Variants in MYO16 observed in about 807,000 individuals in gnomAD.
MYO16 encodes myosin XVI.
MYO16 carries 94 observed loss-of-function variants against 205.3 expected under a neutral mutation model. That is an observed-to-expected ratio of 0.46 (90% CI 0.39 to 0.54). The LOEUF is 0.54. Ranked by LOEUF, MYO16 falls within the 20% of genes least tolerant of loss-of-function variation. MYO16 has a pLI of 0.00. For synonymous variants in MYO16, 988 were observed against 954.0 expected, an observed-to-expected ratio of 1.04 and a Z score of -0.66; for missense variants, 2,315 against 2,387.5, an observed-to-expected ratio of 0.97 and a Z score of 0.63.
At chr13:109,152,429 T>G (rs1237032551) in intron 32 of MYO16, among the ~76,000 whole-genome samples, 1 of 152,186 alleles carries the variant, frequency 6.6e-6, no homozygotes, top group East Asian at 1.9e-4. Context: ...TCGTGAACAT[T>G]AATTTCACTG....
chr13:108,573,881 C>T, the MYO16 span, among the ~76,000 whole-genome samples: 1 of 152,158 alleles, frequency 6.6e-6, no homozygotes. Context: ...GGCAGGGTCT[C>T]ACTCCATTGC....
At chr13:108,896,930 C>T (rs117611579) in intron 14 of MYO16, among the ~76,000 whole-genome samples, 3,802 of 152,064 alleles carry the variant, frequency 0.025, 285 homozygotes, top group East Asian at 0.22. Context: ...CGAGATCACA[C>T]CACTGCAGTG....
At chr13:108,706,223 A>G (rs1432579527) in intron 2 of MYO16, among the ~76,000 whole-genome samples, 1 of 152,220 alleles carries the variant, frequency 6.6e-6, no homozygotes, top group African/African-American at 2.4e-5. Flanking sequence ...AAATAATGTG[A>G]CAAATTAAAA....
intron 2 of MYO16, among the ~76,000 whole-genome samples, chr13:108,694,406 A>T (rs926088374): frequency 6.6e-6 from 1 of 152,200 alleles, no homozygotes; most frequent in Non-Finnish European, 1.5e-5. Context: ...CCTGCAATAT[A>T]AGAAGGTTCC....
chr13:108,578,333 A>C, the MYO16 span, among the ~76,000 whole-genome samples: 1 of 152,222 alleles, frequency 6.6e-6, no homozygotes, highest in Non-Finnish European at 1.5e-5. Flanking sequence ...GATAATGAGA[A>C]ACGTGTTTAT....
At chr13:108,749,628 G>T (rs1213924433) in intron 4 of MYO16, among the ~76,000 whole-genome samples, 1 of 152,176 alleles carries the variant, frequency 6.6e-6, no homozygotes, top group Admixed American at 6.5e-5. Context: ...AACCTAGTGA[G>T]ACATTCAGAG....
chr13:108,707,317 C>A (rs985203462), intron 2 of MYO16, among the ~76,000 whole-genome samples: 15 of 152,058 alleles, frequency 9.9e-5, no homozygotes, highest in African/African-American at 3.1e-4. Context: ...ACATAGGGAT[C>A]AATGACATAG....
intron 1 of MYO16, among the ~76,000 whole-genome samples, chr13:108,611,852 T>C (rs1423999579): frequency 1.3e-5 from 2 of 152,184 alleles, no homozygotes; most frequent in Non-Finnish European, 2.9e-5. Context: ...ATAATACTTA[T>C]TTTTAAAAAT....
intron 9 of MYO16, among the ~76,000 whole-genome samples, chr13:108,835,434 C>T (rs1876857937): frequency 1.3e-5 from 2 of 152,148 alleles, no homozygotes; most frequent in Admixed American, 6.5e-5. Flanking sequence ...TTATAAATTA[C>T]CCAGTCTCAG....
intron 27 of MYO16, among the ~76,000 whole-genome samples, chr13:109,096,813 C>T (rs942157331): frequency 6.6e-6 from 1 of 152,114 alleles, no homozygotes; most frequent in South Asian, 2.1e-4. Flanking sequence ...ATGTCTTGTC[C>T]GGAGAAACGC....
the MYO16 span, among the ~76,000 whole-genome samples, chr13:108,547,086 C>T: frequency 9.2e-5 from 14 of 151,942 alleles, no homozygotes; most frequent in Admixed American, 8.5e-4. Context: ...TCCTGGCTAA[C>T]ACAGTGAAAC....
rs1437995021 is a variant in MYO16 at position 108,790,739 on chromosome 13, T to G, written c.617-2777T>G. Among the ~76,000 whole-genome samples the G allele has an allele frequency of 2.6e-5, 4 of 152,180 alleles. No individual in the cohort carries two copies. In the South Asian group the frequency reaches 8.3e-4, roughly 32 times the overall value. On this transcript the variant is annotated intron_variant, in intron 5 of 34. Coordinates refer to ENST00000457511, the MANE Select transcript of MYO16 (RefSeq NM_001198950.3). ...ACATTTTAATTGGCATCATATCTAA[T>G]TCAAAATTAAGTTTTCAAATATTAG...
chr13:108,757,866 A>G (rs1885473873), intron 4 of MYO16, among the ~76,000 whole-genome samples: 1 of 152,248 alleles, frequency 6.6e-6, no homozygotes, highest in Admixed American at 6.5e-5. Context: ...GCAATGCTAC[A>G]AACGGAGTCC....
At chr13:108,913,805 C>T (rs1881369786) in intron 16 of MYO16, among the ~76,000 whole-genome samples, 1 of 152,170 alleles carries the variant, frequency 6.6e-6, no homozygotes, top group Non-Finnish European at 1.5e-5. Context: ...GTGTATGTGC[C>T]TGTAACAATA....
chr13:108,633,451 TGAGA>T (rs1880079570), intron 1 of MYO16, among the ~76,000 whole-genome samples: 1 of 152,184 alleles, frequency 6.6e-6, no homozygotes, highest in Admixed American at 6.5e-5. Flanking sequence ...GCATCCAGCA[TGAGA>T]GAAAGATGTA....
At chr13:108,622,738 A>G (rs1172481339) in intron 1 of MYO16, among the ~76,000 whole-genome samples, 3 of 152,032 alleles carry the variant, frequency 2.0e-5, no homozygotes, top group Non-Finnish European at 2.9e-5. Flanking sequence ...ATAGGCTAAG[A>G]GAGATTCTGA....
At chr13:108,593,710 G>T (rs759206492), upstream of MYO16, among the ~76,000 whole-genome samples, 11 of 152,136 alleles carry the variant, frequency 7.2e-5, no homozygotes, top group Non-Finnish European at 5.9e-5. Context: ...CTTCACCCAT[G>T]AATCCACTAA....
At chr13:108,667,320 G>GTTTTT (rs770988720) in intron 2 of MYO16, among the ~76,000 whole-genome samples, 45 of 128,496 alleles carry the variant, frequency 3.5e-4, no homozygotes, top group Non-Finnish European at 5.5e-4. Flanking sequence ...TTTCTGTTTT[G>GTTTTT]TTTTTTTTTT....
chr13:108,741,891 C>G (rs189027349), intron 4 of MYO16, among the ~76,000 whole-genome samples: 33 of 152,290 alleles, frequency 2.2e-4, no homozygotes, highest in Middle Eastern at 6.8e-3. Flanking sequence ...TAATTTACAT[C>G]ATATTGTTGA....
Sources: gnomAD v4.1 joint callset for allele counts (sites outside exome capture counted in the v4.1 genomes callset) on GRCh38, gnomAD v4.1.1 for gene constraint, MANE v1.5 for transcripts, NCBI Gene and HGNC (gene_info 2026-07-23, HGNC 2026-07-21) for gene names.